INPP4A: variants seen among roughly 807,000 people sequenced by gnomAD.
INPP4A encodes inositol polyphosphate-4-phosphatase type I A, also known as inositol polyphosphate-4-phosphatase, type I, 107kD.
Under a neutral mutation model 119.8 loss-of-function variants are expected in INPP4A, and 33 were observed. The ratio of observed to expected loss-of-function variants is 0.28; its 90% CI spans 0.21 to 0.37. INPP4A has a LOEUF of 0.37. INPP4A is among the 10% of genes least tolerant of loss of function. The probability of loss-of-function intolerance (pLI) is 1.00; values close to 1 mark genes in which losing one functional copy is unlikely to be tolerated. For synonymous variants in INPP4A, 496 were observed against 500.7 expected, an observed-to-expected ratio of 0.99 and a Z score of 0.12; for missense variants, 956 against 1,289.9, an observed-to-expected ratio of 0.74 and a Z score of 3.97.
chr2:98,488,322 A>G (rs1277329866), intron 1 of INPP4A, among the ~76,000 whole-genome samples: 1 of 152,162 alleles, frequency 6.6e-6, no homozygotes, highest in African/African-American at 2.4e-5. Context: ...GGCTAAAGTT[A>G]TTGTAATCTC....
At chr2:98,584,830 A>G in intron 24 of INPP4A, among the ~76,000 whole-genome samples, 1 of 152,242 alleles carries the variant, frequency 6.6e-6, no homozygotes, top group Non-Finnish European at 1.5e-5. Context: ...CTGAATTTTA[A>G]TGTCACTAAG....
At chr2:98,512,988 T>C (rs3754883) in intron 1 of INPP4A, among the ~76,000 whole-genome samples, 41,791 of 152,130 alleles carry the variant, frequency 0.27, 5,786 homozygotes, top group Middle Eastern at 0.35. Flanking sequence ...TATTTGACTT[T>C]GTTTAAAAGG....
At chr2:98,502,464 TAG>T (rs1437714658) in intron 1 of INPP4A, among the ~76,000 whole-genome samples, 9 of 152,198 alleles carry the variant, frequency 5.9e-5, no homozygotes, top group African/African-American at 2.2e-4. Flanking sequence ...AAAGCACACA[TAG>T]AGATTTTAAT....
chr2:98,481,404 T>A (rs2105044314), intron 1 of INPP4A, among the ~76,000 whole-genome samples: 1 of 152,320 alleles, frequency 6.6e-6, no homozygotes, highest in Admixed American at 6.5e-5. Context: ...CGACCACTCT[T>A]GGCAGCCAGA....
chr2:98,566,187 G>C lies in INPP4A; in HGVS notation c.2420+18G>C. On this transcript the variant is annotated intron_variant, in intron 21 of 24. Coordinates refer to ENST00000409851, the MANE Select transcript of INPP4A (RefSeq NM_001134225.2). The surrounding 1 kb of genome is among the most constrained non-coding windows in gnomAD (Gnocchi z 4.2). Reference sequence around the variant, plus strand: ...GCCGAGAGGTGCGTGCCGGCTCCTCGGGGCTGCGGGGGTGTGGTGGCCCTG... The same window carrying C: ...GCCGAGAGGTGCGTGCCGGCTCCTCCGGGCTGCGGGGGTGTGGTGGCCCTG... The C allele has an allele frequency of 6.4e-7, 1 of 1,558,260 alleles. No homozygotes were observed. The highest frequency in any genetic ancestry group is 8.7e-7 in the Non-Finnish European group (1 of 1,148,794).
chr2:98,531,679 A>G (rs1474455497), intron 4 of INPP4A, among the ~76,000 whole-genome samples: 1 of 152,228 alleles, frequency 6.6e-6, no homozygotes, highest in East Asian at 1.9e-4. Context: ...ACAGAGGCCT[A>G]GGCACAATAT....
chr2:98,490,437 C>T (rs1680468971), intron 1 of INPP4A, among the ~76,000 whole-genome samples: 1 of 152,046 alleles, frequency 6.6e-6, no homozygotes, highest in South Asian at 2.1e-4. Flanking sequence ...GTGGGAGGAG[C>T]TGTGTCCATC....
At chr2:98,563,142 T>G (rs555092535) in intron 17 of INPP4A, among the ~76,000 whole-genome samples, 1 of 152,236 alleles carries the variant, frequency 6.6e-6, no homozygotes, top group South Asian at 2.1e-4. Context: ...GGCCTCGTCA[T>G]GACTTGCAGA....
intron 24 of INPP4A, chr2:98,581,551 C>G: frequency 6.8e-7 from 1 of 1,463,174 alleles, no homozygotes; most frequent in Non-Finnish European, 9.0e-7. Flanking sequence ...CTTTTTCTTT[C>G]TCCCAAACTT....
Position 98,566,263 on chromosome 2 carries a change from C to G in INPP4A, c.2420+94C>G. The G allele has an allele frequency of 7.7e-7, 1 of 1,294,542 alleles. No individual in the cohort carries two copies. Among genetic ancestry groups the G allele is most frequent in the South Asian group, 1.7e-5 (1 of 59,824 alleles). The allele number at this position is 1,294,542 out of a possible 1,614,324, so 80.2% of individuals were successfully genotyped here. ...CCCTCTTCAGGCTCTAAGTGCTGGA[C>G]AGACTTTGTCATCCTTCCTTCCTTT... On this transcript the variant is annotated intron_variant, in intron 21 of 24. Transcript: ENST00000409851. This position sits in a 1 kb window ranked among gnomAD's most constrained non-coding sequence, Gnocchi z 4.2.
At chr2:98,556,359 C>T (rs1445945430) in intron 16 of INPP4A, among the ~76,000 whole-genome samples, 1 of 152,192 alleles carries the variant, frequency 6.6e-6, no homozygotes, top group Admixed American at 6.5e-5. Flanking sequence ...TGTTCCTGGG[C>T]TTCTGGTGGT....
chr2:98,457,978 A>AATT (rs780756475), intron 1 of INPP4A, among the ~76,000 whole-genome samples: 1 of 137,144 alleles, frequency 7.3e-6, no homozygotes. Flanking sequence ...TTAAACAAAA[A>AATT]TTTTTTTTTT....
At chr2:98,476,668 C>T (rs1677285447) in intron 1 of INPP4A, among the ~76,000 whole-genome samples, 1 of 152,166 alleles carries the variant, frequency 6.6e-6, no homozygotes. Flanking sequence ...GCAGGGCCCA[C>T]CTCCCTCTGC....
At position 98,563,451 on chromosome 2, in the gene INPP4A, C is replaced by T. The variant is rs762056691; in HGVS notation, c.1856-14C>T. On this transcript the variant is annotated splice_polypyrimidine_tract_variant and intron_variant, in intron 17 of 24. Transcript: ENST00000409851. ...CTCTCTCTCATTGTGATGACCCCTT[C>T]GCTTGTGCCCCAGGTGAATGGAGTG... 2.3e-5 allele frequency: 37 copies of T among 1,608,898 alleles called. No homozygotes were observed. The highest frequency in any genetic ancestry group is 5.5e-5 in the South Asian group (5 of 90,328).
At chr2:98,488,406 C>A (rs554039928) in intron 1 of INPP4A, among the ~76,000 whole-genome samples, 1 of 152,344 alleles carries the variant, frequency 6.6e-6, no homozygotes, top group African/African-American at 2.4e-5. Flanking sequence ...CTGAGGATTT[C>A]TCTCCATTTG....
rs779269314 is a variant in INPP4A, at chr2:98,587,648, T to TGG, written c.*42_*43dup. On this transcript the variant is annotated 3_prime_UTR_variant, in exon 25 of 25. Transcript: ENST00000409851. ...CTAATTAGCTGTTACATAATAAATG[T>TGG]GGGTACCCTCTAGTGTCATATATGA... 1 of 1,533,330 alleles carries TGG rather than the reference T, an allele frequency of 6.5e-7. No individual in the cohort carries two copies. Among genetic ancestry groups the TGG allele is most frequent in the Non-Finnish European group, 8.8e-7 (1 of 1,131,970 alleles). 95.0% of individuals were successfully genotyped at this position (1,533,330 alleles called of 1,614,324 possible). A position where few individuals can be genotyped will look rare whatever the true frequency, so the allele number is the denominator to read the frequency against.
intron 13 of INPP4A, among the ~76,000 whole-genome samples, chr2:98,547,361 G>C (rs1413481470): frequency 6.6e-6 from 1 of 152,176 alleles, no homozygotes; most frequent in East Asian, 1.9e-4. Context: ...AGCACCATTT[G>C]GCATGAACAG....
intron 1 of INPP4A, among the ~76,000 whole-genome samples, chr2:98,478,072 A>G (rs910402581): frequency 6.6e-6 from 1 of 152,216 alleles, no homozygotes; most frequent in African/African-American, 2.4e-5. Flanking sequence ...TTTGTAGCCT[A>G]TTGAGGAACT....
rs748386659 is a variant in INPP4A, at chr2:98,552,740, T to C, written c.1164-46T>C. ...GGGTTGGAATGATGCTGTCATCCTT[T>C]TCAGATTCTGGAGAATCCCTTAGAA... is the stretch of plus-strand genomic sequence containing the variant. On this transcript the variant is annotated intron_variant, in intron 13 of 24. Transcript: ENST00000409851. The C allele has an allele frequency of 1.8e-5, 27 of 1,479,134 alleles. 1 individual carries two copies. The highest frequency in any genetic ancestry group is 2.5e-5 in the Non-Finnish European group (26 of 1,059,816). The allele number at this position is 1,479,134 out of a possible 1,614,324, so 91.6% of individuals were successfully genotyped here.
Sources: gnomAD v4.1 joint callset for allele counts (sites outside exome capture counted in the v4.1 genomes callset) on GRCh38, gnomAD v4.1.1 for gene constraint, Gnocchi (gnomAD v3.1) non-coding constraint, MANE v1.5 for transcripts, NCBI Gene and HGNC (gene_info 2026-07-23, HGNC 2026-07-21) for gene names.